INPP5A: variants seen among roughly 807,000 people sequenced by gnomAD.
INPP5A encodes the protein 43 kDa inositol polyphosphate 5-phophatase.
In INPP5A, 14 loss-of-function variants were observed where a neutral mutation model predicts 65.2. That is an observed-to-expected ratio of 0.21 (90% CI 0.14 to 0.34). INPP5A has a LOEUF of 0.34. INPP5A is among the 10% of genes least tolerant of loss of function. The pLI is 1.00. For missense variants in INPP5A, 431 were observed against 545.6 expected (o/e 0.79, Z 2.09); for synonymous variants, 207 against 208.3 (o/e 0.99, Z 0.05).
intron 3 of INPP5A, 60 bp downstream of exon 3, chr10:132,646,028 G>A (rs1350785990): frequency 3.4e-6 from 4 of 1,164,618 alleles, no homozygotes; most frequent in African/African-American, 3.0e-5. Flanking sequence ...GGTGCCGGCG[G>A]GGGTCTTTTC....
chr10:132,714,823 T>C (rs577466266), intron 8 of INPP5A, among the ~76,000 whole-genome samples: 4 of 150,804 alleles, frequency 2.7e-5, no homozygotes, highest in Non-Finnish European at 5.9e-5. Flanking sequence ...GTCACAGGGC[T>C]CCACTGGACT....
chr10:132,560,736 G>A (rs914292897), intron 1 of INPP5A, among the ~76,000 whole-genome samples: 3 of 152,084 alleles, frequency 2.0e-5, no homozygotes, highest in Admixed American at 2.0e-4. Flanking sequence ...GTCTCACGTA[G>A]CTGGGACTAC....
At chr10:132,688,496 C>T (rs541997185) in intron 4 of INPP5A, among the ~76,000 whole-genome samples, 132 of 152,344 alleles carry the variant, frequency 8.7e-4, no homozygotes, top group Non-Finnish European at 1.5e-3. Flanking sequence ...CTCTGCAGCC[C>T]CGTAGGGCAG....
At chr10:132,731,663 A>G (rs577293131) in intron 9 of INPP5A, among the ~76,000 whole-genome samples, 56 of 152,286 alleles carry the variant, frequency 3.7e-4, no homozygotes, top group African/African-American at 1.3e-3. Flanking sequence ...ATCTGCTGGG[A>G]GTGGGGGCTC....
chr10:132,623,529 A>G (rs1361903732), intron 2 of INPP5A, among the ~76,000 whole-genome samples: 1 of 152,238 alleles, frequency 6.6e-6, no homozygotes, highest in East Asian at 1.9e-4. Flanking sequence ...TAAATCTTAA[A>G]AAGTACAAAA....
intron 5 of INPP5A, among the ~76,000 whole-genome samples, chr10:132,690,768 T>C (rs1845245422): frequency 6.6e-6 from 1 of 152,218 alleles, no homozygotes; most frequent in Non-Finnish European, 1.5e-5. Context: ...GAGGGTTGCA[T>C]GTTTCAGAAA....
At chr10:132,655,693 C>T (rs1020523109) in intron 4 of INPP5A, among the ~76,000 whole-genome samples, 10 of 152,216 alleles carry the variant, frequency 6.6e-5, no homozygotes, top group African/African-American at 2.4e-4. Flanking sequence ...GGGGGCCTGT[C>T]ACTGGGCTTT....
At chr10:132,626,784 G>A (rs2072189940) in intron 2 of INPP5A, among the ~76,000 whole-genome samples, 1 of 152,184 alleles carries the variant, frequency 6.6e-6, no homozygotes, top group Non-Finnish European at 1.5e-5. Context: ...GCAGTGCAGG[G>A]GTTCCTGTGG....
intron 1 of INPP5A, among the ~76,000 whole-genome samples, chr10:132,557,291 G>A (rs1430635206): frequency 2.6e-5 from 4 of 152,220 alleles, no homozygotes; most frequent in Admixed American, 1.3e-4. Context: ...GATTTGTTCC[G>A]GTTAGGCCAC....
At chr10:132,726,391 G>T (rs11146480) in intron 8 of INPP5A, among the ~76,000 whole-genome samples, 2,561 of 152,182 alleles carry the variant, frequency 0.017, 78 homozygotes, top group African/African-American at 0.057. Flanking sequence ...CCCTCCTCCC[G>T]TCTGTCTCCC....
intron 9 of INPP5A, among the ~76,000 whole-genome samples, chr10:132,748,163 G>T (rs1590979776): frequency 6.6e-6 from 1 of 151,916 alleles, no homozygotes; most frequent in African/African-American, 2.4e-5. Context: ...TATCCCTCCA[G>T]CCCCCGCCCC....
At chr10:132,630,580 C>A (rs990504527) in intron 2 of INPP5A, among the ~76,000 whole-genome samples, 1 of 150,310 alleles carries the variant, frequency 6.7e-6, no homozygotes, top group Non-Finnish European at 1.5e-5. Flanking sequence ...GAGAGGAAGA[C>A]GTCCATGAGG....
At chr10:132,755,949 G>T (rs1345293018) in intron 11 of INPP5A, among the ~76,000 whole-genome samples, 1 of 152,214 alleles carries the variant, frequency 6.6e-6, no homozygotes, top group African/African-American at 2.4e-5. Flanking sequence ...GGCACACACA[G>T]CCCTCAGACA....
intron 6 of INPP5A, among the ~76,000 whole-genome samples, chr10:132,700,263 G>A (rs1355363691): frequency 1.3e-5 from 2 of 152,268 alleles, no homozygotes; most frequent in African/African-American, 2.4e-5. Context: ...TGGGAAAGCA[G>A]CGTGTCGCTG....
rs1028315033 is a variant in INPP5A at position 132,691,439 on chromosome 10, G to A, written c.370+984G>A. Among the ~76,000 whole-genome samples, 6 of 152,360 alleles carry A rather than the reference G, an allele frequency of 3.9e-5. No homozygotes were observed. The Middle Eastern group carries it at 0.01, about 259-fold the overall frequency. ...CTGTGCGCTCAGGCACGGAGCGGCC[G>A]GCGAGAGTGGAGAGAGCGCGCCGAC... On this transcript the variant is annotated intron_variant, in intron 5 of 15. Transcript: ENST00000368594.
chr10:132,569,816 T>C (rs2071316773), intron 1 of INPP5A, among the ~76,000 whole-genome samples: 2 of 149,246 alleles, frequency 1.3e-5, no homozygotes, highest in Non-Finnish European at 3.0e-5. Flanking sequence ...CACTGTTTTT[T>C]TTTAATTGAA....
chr10:132,748,301 C>T (rs924846641), intron 9 of INPP5A, among the ~76,000 whole-genome samples: 1 of 152,206 alleles, frequency 6.6e-6, no homozygotes, highest in Non-Finnish European at 1.5e-5. Flanking sequence ...CAGCTGTGCC[C>T]TCCTCCACCC....
intron 4 of INPP5A, among the ~76,000 whole-genome samples, chr10:132,661,962 G>A (rs1262743051): frequency 4.6e-5 from 7 of 152,246 alleles, no homozygotes; most frequent in East Asian, 3.9e-4. Flanking sequence ...TTAGAGGGCC[G>A]TTTGCAAAAA....
rs1433783795 is a variant in INPP5A at position 132,727,681 on chromosome 10, G to T, written c.732+776G>T. On this transcript the variant is annotated intron_variant, in intron 9 of 15. Transcript: ENST00000368594. This position sits in a 1 kb window ranked among gnomAD's most constrained non-coding sequence, Gnocchi z 6.5. The stretch of plus-strand genomic sequence containing the variant: ...CCTGTTGCCCACCCGCCCTGGCCCT[G>T]CTGCCCTCACCCTCAGCCTCCCTGG... Among the ~76,000 whole-genome samples, 1 of 152,196 alleles carries T rather than the reference G, an allele frequency of 6.6e-6. No individual in the cohort carries two copies. Among genetic ancestry groups the T allele is most frequent in the Non-Finnish European group, 1.5e-5 (1 of 68,026 alleles).
Sources: allele counts gnomAD v4.1 joint callset (sites outside exome capture counted in the v4.1 genomes callset), GRCh38; gene constraint gnomAD v4.1.1; non-coding constraint Gnocchi (gnomAD v3.1); transcripts MANE v1.5; gene names NCBI Gene and HGNC (gene_info 2026-07-23, HGNC 2026-07-21).